The following SLC14A2 variants were observed in gnomAD, a reference collection of about 807,000 sequenced individuals.
The protein encoded by SLC14A2 is solute carrier family 14 member 2, also known as urea transporter 2.
SLC14A2 carries 91 observed loss-of-function variants against 104.6 expected under a neutral mutation model. The ratio of observed to expected loss-of-function variants is 0.87; its 90% confidence interval spans 0.73 to 1.04. The LOEUF is 1.04. Among genes scored for constraint, SLC14A2 ranks in the 50% least tolerant of loss-of-function variants. SLC14A2 has a pLI of 0.00. For missense variants in SLC14A2, 1,189 were observed against 1,156.0 expected, an observed-to-expected ratio of 1.03 and a Z score of -0.41; for synonymous variants, 476 against 466.4, an observed-to-expected ratio of 1.02 and a Z score of -0.27.
At chr18:45,284,536 C>T (rs1027158060) in intron 1 of SLC14A2, among the ~76,000 whole-genome samples, 2 of 151,620 alleles carry the variant, frequency 1.3e-5, no homozygotes, top group Non-Finnish European at 2.9e-5. Context: ...ACCCTGGGCT[C>T]TAGTAGCTCT....
rs2084821745 is a variant in SLC14A2 at position 45,287,031 on chromosome 18, A to C, written c.-125+73840A>C. 3.9e-5 allele frequency among the ~76,000 whole-genome samples: 6 copies of C among 152,336 alleles called. No homozygotes were observed. The South Asian group carries it at 1.2e-3, about 32-fold the overall frequency. Reference sequence around the variant, plus strand: ...AAAATGGGCCAGCCTTGTTCATTAGAGCTCCCTTCTCCAAAGGAGAGCCAT... The same window carrying C: ...AAAATGGGCCAGCCTTGTTCATTAGCGCTCCCTTCTCCAAAGGAGAGCCAT... On this transcript the variant is annotated intron_variant, in intron 1 of 20. Coordinates refer to the SLC14A2 transcript ENST00000586448.
intron 2 of SLC14A2, among the ~76,000 whole-genome samples, chr18:45,499,434 A>G (rs2144755003): frequency 6.6e-6 from 1 of 152,376 alleles, no homozygotes; most frequent in African/African-American, 2.4e-5. Flanking sequence ...AAAACATTTT[A>G]TCAGGAGGCT....
At chr18:45,186,257 G>GT in the SLC14A2 span, among the ~76,000 whole-genome samples, 4 of 152,258 alleles carry the variant, frequency 2.6e-5, no homozygotes, top group Middle Eastern at 3.4e-3. Flanking sequence ...TATAATACTG[G>GT]TTTAAAGATA....
chr18:45,332,427 A>G (rs1209045905), intron 1 of SLC14A2, among the ~76,000 whole-genome samples: 1 of 152,202 alleles, frequency 6.6e-6, no homozygotes, highest in Admixed American at 6.5e-5. Flanking sequence ...TTATATGAAA[A>G]TACTACACCA....
At chr18:45,506,402 G>A (rs929039403) in intron 2 of SLC14A2, among the ~76,000 whole-genome samples, 1 of 152,200 alleles carries the variant, frequency 6.6e-6, no homozygotes, top group East Asian at 1.9e-4. Flanking sequence ...CCGAGCTGTA[G>A]TGGGTTGAAT....
intron 1 of SLC14A2, among the ~76,000 whole-genome samples, chr18:45,339,553 A>AACAC (rs753471580): frequency 6.6e-6 from 1 of 151,624 alleles, no homozygotes; most frequent in African/African-American, 2.4e-5. Context: ...GATTAAAATG[A>AACAC]ACACACACAC....
intron 1 of SLC14A2, among the ~76,000 whole-genome samples, chr18:45,342,171 A>G (rs937487359): frequency 2.0e-5 from 3 of 152,178 alleles, no homozygotes; most frequent in African/African-American, 7.2e-5. Context: ...TTCAGGATTT[A>G]TGGCAACATT....
chr18:45,628,697 T>C (rs2045300292), intron 4 of SLC14A2, among the ~76,000 whole-genome samples: 1 of 152,184 alleles, frequency 6.6e-6, no homozygotes, highest in Non-Finnish European at 1.5e-5. Context: ...GTTAATAGCG[T>C]AAAATAAAAC....
chr18:45,240,681 G>A (rs557899090), intron 1 of SLC14A2, among the ~76,000 whole-genome samples: 9 of 148,060 alleles, frequency 6.1e-5, no homozygotes, highest in Non-Finnish European at 1.0e-4. Context: ...TTTTTGAGAC[G>A]GAGTCTTGTT....
At chr18:45,453,354 G>T (rs890562972) in intron 1 of SLC14A2, among the ~76,000 whole-genome samples, 38 of 152,082 alleles carry the variant, frequency 2.5e-4, no homozygotes, top group African/African-American at 8.9e-4. Flanking sequence ...CTCACTCTGG[G>T]CACAAAATTG....
At position 45,518,281 on chromosome 18, in the gene SLC14A2, T is replaced by C. The variant is rs547322846; in HGVS notation, c.-35+34959T>C. On this transcript the variant is annotated intron_variant, in intron 2 of 20. Coordinates refer to the SLC14A2 transcript ENST00000586448. Reference sequence around the variant, plus strand: ...CAAGTGAGACACACTTCACCTTTCATACCATTAAATACTATGATTTTTGAA... The same window carrying C: ...CAAGTGAGACACACTTCACCTTTCACACCATTAAATACTATGATTTTTGAA... 5.3e-5 allele frequency among the ~76,000 whole-genome samples: 8 copies of C among 152,324 alleles called. No homozygotes were observed. In the South Asian group the frequency reaches 1.7e-3, roughly 32 times the overall value.
intron 2 of SLC14A2, among the ~76,000 whole-genome samples, chr18:45,599,416 C>T (rs59849019): frequency 5.2e-4 from 79 of 152,344 alleles, no homozygotes; most frequent in African/African-American, 1.8e-3. Context: ...GCCTGACAGT[C>T]CTGGCCGCGA....
At chr18:45,353,358 G>C (rs931193248) in intron 1 of SLC14A2, among the ~76,000 whole-genome samples, 6 of 152,228 alleles carry the variant, frequency 3.9e-5, no homozygotes, top group African/African-American at 1.4e-4. Flanking sequence ...TACAGGAAAA[G>C]AATGATGGTA....
chr18:45,364,918 G>A (rs1255365409), intron 1 of SLC14A2, among the ~76,000 whole-genome samples: 1 of 152,196 alleles, frequency 6.6e-6, no homozygotes, highest in Non-Finnish European at 1.5e-5. Flanking sequence ...ACAGTGATCT[G>A]AAGCCCAGTT....
chr18:45,507,618 G>A (rs1185470005), intron 2 of SLC14A2, among the ~76,000 whole-genome samples: 1 of 152,200 alleles, frequency 6.6e-6, no homozygotes, highest in Non-Finnish European at 1.5e-5. Flanking sequence ...GATGGTGGAG[G>A]CAGCCTATTG....
chr18:45,340,887 C>A (rs1028555491), intron 1 of SLC14A2, among the ~76,000 whole-genome samples: 1 of 152,146 alleles, frequency 6.6e-6, no homozygotes, highest in South Asian at 2.1e-4. Flanking sequence ...AACCTGCAAC[C>A]CCAAAGGGTG....
At chr18:45,544,845 T>G (rs2043947096) in intron 2 of SLC14A2, among the ~76,000 whole-genome samples, 1 of 143,936 alleles carries the variant, frequency 6.9e-6, no homozygotes, top group Non-Finnish European at 1.5e-5. Flanking sequence ...CAGGCTGGAG[T>G]GCAGTGGCAC....
At chr18:45,246,806 C>A (rs1354799795) in intron 1 of SLC14A2, among the ~76,000 whole-genome samples, 1 of 152,052 alleles carries the variant, frequency 6.6e-6, no homozygotes, top group African/African-American at 2.4e-5. Context: ...GTCAGGAGTT[C>A]GAGACCAGCC....
intron 18 of SLC14A2, among the ~76,000 whole-genome samples, chr18:45,678,761 A>C (rs2046266312): frequency 6.6e-6 from 1 of 152,192 alleles, no homozygotes; most frequent in Non-Finnish European, 1.5e-5. Flanking sequence ...GCCCTTTTTA[A>C]CAAGTTCATC....
Sources: allele counts gnomAD v4.1 joint callset (sites outside exome capture counted in the v4.1 genomes callset), GRCh38; gene constraint gnomAD v4.1.1; transcripts MANE v1.5; gene names NCBI Gene and HGNC (gene_info 2026-07-23, HGNC 2026-07-21).